GLIS3: variants seen among roughly 807,000 people sequenced by gnomAD.
GLIS3 encodes the protein zinc finger protein GLIS3.
In GLIS3, 53 loss-of-function variants were observed where a neutral mutation model predicts 78.6. The observed-to-expected ratio is 0.67, with a 90% CI of 0.54 to 0.85. The LOEUF (loss-of-function observed/expected upper bound fraction) is 0.85. GLIS3 is among the 40% of genes least tolerant of loss of function. The pLI, the probability that GLIS3 is intolerant of heterozygous loss-of-function variation, is 0.00. For synonymous variants in GLIS3, 684 were observed against 509.9 expected (o/e 1.34, Z -4.60); for missense variants, 1,703 against 1,231.1 (o/e 1.38, Z -5.74).
At chr9:4,292,310 T>C (rs1587334063) in intron 1 of GLIS3, among the ~76,000 whole-genome samples, 2 of 152,302 alleles carry the variant, frequency 1.3e-5, no homozygotes, top group African/African-American at 2.4e-5. Flanking sequence ...TGGTGAACTA[T>C]TGGTTTTACT....
At chr9:4,225,146 C>T (rs183115685) in intron 2 of GLIS3, among the ~76,000 whole-genome samples, 70 of 151,728 alleles carry the variant, frequency 4.6e-4, no homozygotes, top group African/African-American at 1.6e-3. Context: ...AAGGAGCTTG[C>T]CTATATATAC....
intron 8 of GLIS3, among the ~76,000 whole-genome samples, chr9:3,870,803 C>T (rs1335203569): frequency 6.6e-6 from 1 of 152,232 alleles, no homozygotes; most frequent in Non-Finnish European, 1.5e-5. Context: ...TATAATTCCA[C>T]CCCTGGCCCA....
chr9:4,477,412 G>T, the GLIS3 span, among the ~76,000 whole-genome samples: 2,931 of 151,358 alleles, frequency 0.019, 96 homozygotes, highest in African/African-American at 0.067. Context: ...GTGTGTTTTG[G>T]GGGGGCTGGG....
chr9:4,248,760 G>T lies in GLIS3; in HGVS notation c.388+37278C>A, dbSNP rs1824059604. The stretch of plus-strand genomic sequence containing the variant: ...TTCTCTCCAGCATCTGTTGTTTCCT[G>T]ACTTTTTAATGACCGCCATTCCAAC... On this transcript the variant is annotated intron_variant, in intron 2 of 10. Transcript: ENST00000381971. Among the ~76,000 whole-genome samples the T allele has an allele frequency of 2.6e-5, 4 of 152,156 alleles. No homozygotes were observed. In the South Asian group the frequency reaches 8.3e-4, roughly 31 times the overall value.
intron 2 of GLIS3, among the ~76,000 whole-genome samples, chr9:4,143,211 G>A (rs866422713): frequency 6.6e-6 from 1 of 152,092 alleles, no homozygotes; most frequent in Middle Eastern, 3.4e-3. Context: ...AACCTTACAT[G>A]GTTACCTTTG....
chr9:4,013,079 A>G (rs1588452235), intron 4 of GLIS3, among the ~76,000 whole-genome samples: 1 of 152,086 alleles, frequency 6.6e-6, no homozygotes, highest in African/African-American at 2.4e-5. Context: ...ATGGAAATAG[A>G]GCAAAAATGT....
In GLIS3 at chr9:3,977,229, A is replaced by T. The variant is rs909312426; in HGVS notation, c.1711-40040T>A. ...AGATGACAAAAGACCTTGCTAGGCC[A>T]CCCCTCCTCCACCCAGATATTAGAT... On this transcript the variant is annotated intron_variant, in intron 4 of 10. Coordinates refer to ENST00000381971, the MANE Select transcript of GLIS3 (RefSeq NM_001042413.2). This position sits in a 1 kb window ranked among gnomAD's most constrained non-coding sequence, Gnocchi z 4.1. 2.0e-5 allele frequency among the ~76,000 whole-genome samples: 3 copies of T among 152,194 alleles called. No individual in the cohort carries two copies. The highest frequency in any genetic ancestry group is 1.5e-5 in the Non-Finnish European group (1 of 67,998).
intron 4 of GLIS3, among the ~76,000 whole-genome samples, chr9:4,113,282 A>G (rs1174417661): frequency 6.6e-6 from 1 of 152,058 alleles, no homozygotes; most frequent in Non-Finnish European, 1.5e-5. Flanking sequence ...ACTTTTTTGA[A>G]AAACAAAAGC....
At chr9:4,193,171 C>T (rs1401488072) in intron 2 of GLIS3, among the ~76,000 whole-genome samples, 1 of 152,232 alleles carries the variant, frequency 6.6e-6, no homozygotes, top group Non-Finnish European at 1.5e-5. Flanking sequence ...AAAACTATAG[C>T]CTGCGAGACT....
chr9:4,327,324 G>A (rs186857919), intron 2 of GLIS3, among the ~76,000 whole-genome samples: 43 of 152,260 alleles, frequency 2.8e-4, no homozygotes, highest in Admixed American at 4.6e-4. Flanking sequence ...GAGCAAAGAG[G>A]AGTCATTAGA....
At chr9:3,895,962 T>C (rs1588170696) in intron 7 of GLIS3, among the ~76,000 whole-genome samples, 1 of 152,222 alleles carries the variant, frequency 6.6e-6, no homozygotes, top group East Asian at 1.9e-4. Flanking sequence ...TGCCTGACAA[T>C]CATTAAACAA....
chr9:4,137,575 C>A (rs2130967605), intron 2 of GLIS3, among the ~76,000 whole-genome samples: 1 of 97,142 alleles, frequency 1.0e-5, no homozygotes, highest in Non-Finnish European at 2.1e-5. Flanking sequence ...CACCACTGGG[C>A]ACTCCCAGTA....
Position 4,296,076 on chromosome 9 carries a change from C to G in GLIS3, c.-99+3345G>C, listed in dbSNP as rs148049092. 1.4e-4 allele frequency among the ~76,000 whole-genome samples: 21 copies of G among 152,112 alleles called. No individual in the cohort carries two copies. In the East Asian group the frequency reaches 4.1e-3, roughly 29 times the overall value. On this transcript the variant is annotated intron_variant, in intron 1 of 10. Coordinates refer to ENST00000381971, the MANE Select transcript of GLIS3 (RefSeq NM_001042413.2). ...TATAATGCCCTCTACAGAAAATAAT[C>G]ACAGAAACACAGAAAATGACTTCTC...
At chr9:3,991,758 T>C (rs899731762) in intron 4 of GLIS3, among the ~76,000 whole-genome samples, 1 of 143,324 alleles carries the variant, frequency 7.0e-6, no homozygotes. Flanking sequence ...TGGTGGGATC[T>C]CGGCTCACTG....
In GLIS3 at chr9:4,286,056, G is replaced by A. The variant is rs769796698; in HGVS notation, c.370C>T (p.Pro124Ser). Reference sequence around the variant, plus strand: ...ATCCTACCTTTCCCAGGATTTGGAGGAAAAGGGCTTCCAAACTCCTGCTGC... The same window carrying A: ...ATCCTACCTTTCCCAGGATTTGGAGAAAAAGGGCTTCCAAACTCCTGCTGC... ...PKQQEFGSPF[P>S]PNPGKGALGF... Residue 124 changes from proline (P) to serine (S), a missense_variant, in exon 2 of 11, where the codon CCT becomes TCT. Pro to Ser is a moderately conservative substitution (Grantham distance 74). Transcript: ENST00000381971. The A allele has an allele frequency of 3.7e-6, 6 of 1,613,858 alleles. No homozygotes were observed. Among genetic ancestry groups the A allele is most frequent in the South Asian group, 1.1e-5 (1 of 91,054 alleles).
At chr9:4,072,270 T>C (rs1195064065) in intron 4 of GLIS3, among the ~76,000 whole-genome samples, 3 of 152,220 alleles carry the variant, frequency 2.0e-5, no homozygotes, top group Non-Finnish European at 2.9e-5. Flanking sequence ...TAGGCTCACA[T>C]ACAACTCAAA....
intron 2 of GLIS3, among the ~76,000 whole-genome samples, chr9:4,178,185 G>C (rs1475954271): frequency 6.6e-6 from 1 of 152,166 alleles, no homozygotes; most frequent in East Asian, 1.9e-4. Flanking sequence ...GGCTGGGTAG[G>C]TGGACTACGC....
chr9:4,149,860 G>A (rs1834529462), intron 2 of GLIS3, among the ~76,000 whole-genome samples: 2 of 152,226 alleles, frequency 1.3e-5, no homozygotes, highest in South Asian at 2.1e-4. Context: ...AGATGACGAT[G>A]ATGATAATGA....
intron 2 of GLIS3, among the ~76,000 whole-genome samples, chr9:4,134,969 G>C (rs961134774): frequency 6.6e-6 from 1 of 152,138 alleles, no homozygotes; most frequent in African/African-American, 2.4e-5. Context: ...AGTGCAGTCA[G>C]CAGGTCCACT....
Sources: gnomAD v4.1 joint callset for allele counts (sites outside exome capture counted in the v4.1 genomes callset) on GRCh38, gnomAD v4.1.1 for gene constraint, Gnocchi (gnomAD v3.1) non-coding constraint, MANE v1.5 for transcripts, NCBI Gene and HGNC (gene_info 2026-07-23, HGNC 2026-07-21) for gene names.